ADCY2: variants seen among roughly 807,000 people sequenced by gnomAD.
The protein encoded by ADCY2 is adenylate cyclase 2.
A neutral mutation model predicts 125.2 loss-of-function variants in ADCY2; 31 were observed. The ratio of observed to expected loss-of-function variants is 0.25; its 90% CI spans 0.19 to 0.33. The LOEUF (loss-of-function observed/expected upper bound fraction) is 0.33. ADCY2 is among the 10% of genes least tolerant of loss of function. The probability of loss-of-function intolerance (pLI) is 1.00; values close to 1 mark genes in which losing one functional copy is unlikely to be tolerated. For synonymous variants in ADCY2, 512 were observed against 548.4 expected, an observed-to-expected ratio of 0.93 and a Z score of 0.93; for missense variants, 904 against 1,418.2, an observed-to-expected ratio of 0.64 and a Z score of 5.82.
chr5:7,613,411 G>A (rs1227520050), intron 3 of ADCY2, among the ~76,000 whole-genome samples: 4 of 152,124 alleles, frequency 2.6e-5, no homozygotes, highest in African/African-American at 7.2e-5. Context: ...TAACCATCCC[G>A]CATTAGGGGA....
intron 2 of ADCY2, among the ~76,000 whole-genome samples, chr5:7,418,647 G>GTTTTTTTGTTTTTTTT (rs1740054008): frequency 1.4e-5 from 1 of 73,750 alleles, no homozygotes; most frequent in African/African-American, 6.2e-5. Flanking sequence ...TCTACCTTCT[G>GTTTTTTTGTTTTTTTT]TTTTTTTTTT....
At chr5:7,666,656 T>C (rs1290805513) in intron 4 of ADCY2, among the ~76,000 whole-genome samples, 3 of 152,198 alleles carry the variant, frequency 2.0e-5, no homozygotes, top group Non-Finnish European at 4.4e-5. Flanking sequence ...AATGTCTGCA[T>C]TGGGACTTCA....
At position 7,589,524 on chromosome 5, in the gene ADCY2, G is replaced by GAAAGAAAGAAAGAAAAGAAAAGAA. The variant is rs1554022167; in HGVS notation, c.571-36642_571-36641insAAGAAAGAAAGAAAAGAAAAGAAA. On this transcript the variant is annotated intron_variant, in intron 3 of 24. Transcript: ENST00000338316. The stretch of plus-strand genomic sequence containing the variant: ...AAAGAAAGAAAGAAAAGAAAAGAAA[G>GAAAGAAAGAAAGAAAAGAAAAGAA]AGAAAGAAAGAAAGGAGGGAGGGAA... Among the ~76,000 whole-genome samples the GAAAGAAAGAAAGAAAAGAAAAGAA allele has an allele frequency of 1.7e-3, 117 of 67,868 alleles. 1 individual carries two copies. The highest frequency in any genetic ancestry group is 9.4e-3 in the Middle Eastern group (1 of 106). The allele number at this position is 67,868 out of a possible 152,430, so 44.5% of individuals were successfully genotyped here.
chr5:7,811,957 G>A (rs762520144), intron 22 of ADCY2, among the ~76,000 whole-genome samples: 10 of 152,306 alleles, frequency 6.6e-5, no homozygotes, highest in Middle Eastern at 3.4e-3. Flanking sequence ...CAAGTTCCAG[G>A]TACATGCTGG....
chr5:7,516,834 G>A (rs11739515), intron 2 of ADCY2, among the ~76,000 whole-genome samples: 27,031 of 151,864 alleles, frequency 0.18, 2,569 homozygotes, highest in East Asian at 0.33. Context: ...AAACAGAAAC[G>A]CCAGTAACCA....
At chr5:7,566,775 T>G (rs1258120569) in intron 3 of ADCY2, among the ~76,000 whole-genome samples, 1 of 152,144 alleles carries the variant, frequency 6.6e-6, no homozygotes, top group Non-Finnish European at 1.5e-5. Flanking sequence ...ACAGAATTAG[T>G]AACTGTATGG....
At chr5:7,823,543 T>C (rs10474821) in intron 24 of ADCY2, among the ~76,000 whole-genome samples, 82,071 of 151,920 alleles carry the variant, frequency 0.54, 22,516 homozygotes, top group Middle Eastern at 0.63. Context: ...TAGCCACTTC[T>C]AATGCCCAGG....
At chr5:7,788,564 G>A (rs1372584073) in intron 19 of ADCY2, among the ~76,000 whole-genome samples, 1 of 152,214 alleles carries the variant, frequency 6.6e-6, no homozygotes, top group African/African-American at 2.4e-5. Flanking sequence ...TGCCACACCA[G>A]AGGAGGAGTT....
At chr5:7,534,082 G>A (rs985867233) in intron 3 of ADCY2, among the ~76,000 whole-genome samples, 2 of 152,198 alleles carry the variant, frequency 1.3e-5, no homozygotes, top group Non-Finnish European at 2.9e-5. Context: ...AGGGGCTCCT[G>A]CCAGCGTTCA....
chr5:7,679,787 C>T (rs914152212), intron 4 of ADCY2, among the ~76,000 whole-genome samples: 11 of 152,216 alleles, frequency 7.2e-5, no homozygotes, highest in Non-Finnish European at 1.3e-4. Flanking sequence ...CATTTGAGTT[C>T]TCTGCATGTG....
intron 3 of ADCY2, among the ~76,000 whole-genome samples, chr5:7,547,783 A>G (rs573121741): frequency 1.3e-5 from 2 of 152,306 alleles, no homozygotes; most frequent in South Asian, 2.1e-4. Context: ...GTTTTTGACA[A>G]TGGAGCTGCT....
At chr5:7,585,991 A>G (rs545412567) in intron 3 of ADCY2, among the ~76,000 whole-genome samples, 5 of 152,250 alleles carry the variant, frequency 3.3e-5, no homozygotes, top group African/African-American at 4.8e-5. Flanking sequence ...AATTATATGC[A>G]TATTTTATGC....
intron 15 of ADCY2, among the ~76,000 whole-genome samples, chr5:7,753,564 C>A (rs115312251): frequency 1.3e-5 from 2 of 152,118 alleles, no homozygotes; most frequent in African/African-American, 4.8e-5. Flanking sequence ...TTTTGATAAA[C>A]ATTTTTCCAC....
intron 17 of ADCY2, among the ~76,000 whole-genome samples, chr5:7,771,594 T>C (rs1240654891): frequency 6.6e-6 from 1 of 152,152 alleles, no homozygotes; most frequent in Non-Finnish European, 1.5e-5. Flanking sequence ...CACTCAAGCA[T>C]GCCCCTTACA....
intron 20 of ADCY2, chr5:7,797,411 G>A (rs1744455695): frequency 6.6e-6 from 1 of 152,220 alleles, no homozygotes; most frequent in Non-Finnish European, 1.5e-5. Context: ...TGCCCACCTG[G>A]ATGGAGAGCC....
intron 10 of ADCY2, among the ~76,000 whole-genome samples, 160 bp from the exon 11 acceptor site, chr5:7,712,696 A>G (rs1042668683): frequency 1.3e-5 from 2 of 152,186 alleles, no homozygotes; most frequent in Non-Finnish European, 2.9e-5. Context: ...CTTGATTCAC[A>G]CTTAGGATTA....
chr5:7,701,059 G>A (rs776519325), intron 7 of ADCY2, among the ~76,000 whole-genome samples: 1 of 151,886 alleles, frequency 6.6e-6, no homozygotes, highest in Non-Finnish European at 1.5e-5. Flanking sequence ...CTAGGTATAA[G>A]TGAATCCAAT....
At chr5:7,825,682 C>G (rs535824579) in intron 24 of ADCY2, among the ~76,000 whole-genome samples, 1 of 152,338 alleles carries the variant, frequency 6.6e-6, no homozygotes, top group African/African-American at 2.4e-5. Context: ...GAGGGGTCTT[C>G]CCTGGCCTCA....
At chr5:7,770,900 T>A (rs1743535122) in intron 17 of ADCY2, among the ~76,000 whole-genome samples, 1 of 152,212 alleles carries the variant, frequency 6.6e-6, no homozygotes, top group Admixed American at 6.5e-5. Context: ...TTGAAAAATG[T>A]AATGGTGAAT....
Sources: gnomAD v4.1 joint callset for allele counts (sites outside exome capture counted in the v4.1 genomes callset) on GRCh38, gnomAD v4.1.1 for gene constraint, MANE v1.5 for transcripts, NCBI Gene and HGNC (gene_info 2026-07-23, HGNC 2026-07-21) for gene names.